MRPS28: variants seen among roughly 807,000 people sequenced by gnomAD.
The protein encoded by MRPS28 is mitochondrial ribosomal protein S28.
A neutral mutation model predicts 10.8 loss-of-function variants in MRPS28; 7 were observed. That is an observed-to-expected ratio of 0.65 (90% CI 0.37 to 1.22). The LOEUF is 1.22. Among genes scored for constraint, MRPS28 ranks in the 50% most tolerant of loss-of-function variants. MRPS28 has a pLI of 0.02. For missense variants in MRPS28, 265 were observed against 232.9 expected, an observed-to-expected ratio of 1.14 and a Z score of -0.90; for synonymous variants, 121 against 93.3, an observed-to-expected ratio of 1.30 and a Z score of -1.71.
intron 2 of MRPS28, among the ~76,000 whole-genome samples, chr8:79,922,052 T>C (rs1045619162): frequency 1.3e-5 from 2 of 152,250 alleles, no homozygotes; most frequent in African/African-American, 4.8e-5. Context: ...GTGGTTTTTG[T>C]CGTTGGTTCT....
Position 79,926,258 on chromosome 8 carries a change from C to T in MRPS28, c.396-7110G>A, listed in dbSNP as rs533407819. 1.9e-4 allele frequency among the ~76,000 whole-genome samples: 29 copies of T among 152,102 alleles called. No individual in the cohort carries two copies. In the South Asian group the frequency reaches 5.4e-3, roughly 28 times the overall value. ...TATGACTTTTAAGCAAAAAGGGATA[C>T]GTTTTGGAGTATGCAATTTTCATTT... On this transcript the variant is annotated intron_variant, in intron 2 of 2. Coordinates refer to ENST00000276585, the MANE Select transcript of MRPS28 (RefSeq NM_014018.3).
intron 2 of MRPS28, among the ~76,000 whole-genome samples, chr8:79,966,579 C>T (rs1221563962): frequency 6.6e-5 from 10 of 151,912 alleles, no homozygotes. Context: ...CTATGTAACT[C>T]ATCAGTCAAA....
chr8:79,927,853 G>A (rs1806333622), intron 2 of MRPS28, among the ~76,000 whole-genome samples: 1 of 152,156 alleles, frequency 6.6e-6, no homozygotes, highest in Non-Finnish European at 1.5e-5. Flanking sequence ...GTCAGAGAGA[G>A]GAAAAAATCT....
intron 2 of MRPS28, among the ~76,000 whole-genome samples, chr8:79,997,208 G>A (rs1284221119): frequency 6.6e-6 from 1 of 152,156 alleles, no homozygotes; most frequent in Non-Finnish European, 1.5e-5. Context: ...AAAGTGCTCT[G>A]TATTTTTAAA....
At chr8:79,966,299 C>CT (rs1807500965) in intron 2 of MRPS28, among the ~76,000 whole-genome samples, 1 of 151,748 alleles carries the variant, frequency 6.6e-6, no homozygotes, top group Non-Finnish European at 1.5e-5. Context: ...ATAAAGTTGC[C>CT]TAGAATATGA....
At position 79,982,162 on chromosome 8, in the gene MRPS28, G is replaced by C. The variant is rs559817596; in HGVS notation, c.395+20837C>G. ...CTCAGGAAGCTGAGGCAGGAGAATTGCTTGAACCCAGGAGGCAGAGGTTGC... is the reference window on the plus strand; with the variant it reads ...CTCAGGAAGCTGAGGCAGGAGAATTCCTTGAACCCAGGAGGCAGAGGTTGC... On this transcript the variant is annotated intron_variant, in intron 2 of 2. Coordinates refer to ENST00000276585, the MANE Select transcript of MRPS28 (RefSeq NM_014018.3). Among the ~76,000 whole-genome samples the C allele has an allele frequency of 1.6e-4, 24 of 152,292 alleles. No individual in the cohort carries two copies. The East Asian group carries it at 4.4e-3, about 28-fold the overall frequency.
At chr8:79,920,143 G>A (rs1203732792) in intron 2 of MRPS28, among the ~76,000 whole-genome samples, 5 of 152,078 alleles carry the variant, frequency 3.3e-5, no homozygotes, top group Non-Finnish European at 7.4e-5. Context: ...TGGCTGCATA[G>A]TATTCCATGG....
At chr8:79,973,266 GAA>G (rs958826414) in intron 2 of MRPS28, among the ~76,000 whole-genome samples, 1 of 152,148 alleles carries the variant, frequency 6.6e-6, no homozygotes, top group Admixed American at 6.5e-5. Flanking sequence ...TCAACACAGT[GAA>G]AGAGAGAGAG....
rs548388596 is a variant in MRPS28 at position 79,954,633 on chromosome 8, C to T, written c.396-35485G>A. Among the ~76,000 whole-genome samples, 39 of 152,286 alleles carry T rather than the reference C, an allele frequency of 2.6e-4. No individual in the cohort carries two copies. The South Asian group carries it at 7.9e-3, about 31-fold the overall frequency. ...TCCATAGAAATCCAGGGTTCAAATACCTCTTCATTTTAAGAGTATCTCTGT... is the reference window on the plus strand; with the variant it reads ...TCCATAGAAATCCAGGGTTCAAATATCTCTTCATTTTAAGAGTATCTCTGT... On this transcript the variant is annotated intron_variant, in intron 2 of 2. Coordinates refer to ENST00000276585, the MANE Select transcript of MRPS28 (RefSeq NM_014018.3).
intron 1 of MRPS28, among the ~76,000 whole-genome samples, chr8:80,021,251 T>C (rs1032859619): frequency 5.3e-5 from 8 of 152,178 alleles, no homozygotes; most frequent in African/African-American, 1.4e-4. Context: ...TCCGCCCACC[T>C]TGGTCTCCCA....
At chr8:79,965,002 A>T (rs936153255) in intron 2 of MRPS28, among the ~76,000 whole-genome samples, 5 of 152,176 alleles carry the variant, frequency 3.3e-5, no homozygotes, top group Admixed American at 6.6e-5. Flanking sequence ...TAGTAAGTAG[A>T]TGAATTCAAG....
At chr8:79,982,346 G>C (rs1411991428) in intron 2 of MRPS28, among the ~76,000 whole-genome samples, 1 of 152,246 alleles carries the variant, frequency 6.6e-6, no homozygotes, top group Non-Finnish European at 1.5e-5. Flanking sequence ...CGCAGAAGAC[G>C]GGTGATTTCT....
At chr8:79,997,930 C>T (rs6999546) in intron 2 of MRPS28, among the ~76,000 whole-genome samples, 7,891 of 151,970 alleles carry the variant, frequency 0.052, 660 homozygotes, top group African/African-American at 0.18. Flanking sequence ...TGGCACATGC[C>T]TGTAATCCCA....
At chr8:79,979,023 G>T (rs1424777415) in intron 2 of MRPS28, among the ~76,000 whole-genome samples, 1 of 151,914 alleles carries the variant, frequency 6.6e-6, no homozygotes, top group East Asian at 1.9e-4. Context: ...ATCTTTAGTT[G>T]AAGACAGGAA....
intron 2 of MRPS28, among the ~76,000 whole-genome samples, chr8:79,921,355 C>A (rs1453770141): frequency 1.3e-5 from 2 of 152,106 alleles, no homozygotes; most frequent in Non-Finnish European, 2.9e-5. Flanking sequence ...ATGGGGATGG[C>A]ATTGAATCTA....
At chr8:79,954,584 A>G (rs1807158327) in intron 2 of MRPS28, among the ~76,000 whole-genome samples, 1 of 152,140 alleles carries the variant, frequency 6.6e-6, no homozygotes, top group Non-Finnish European at 1.5e-5. Context: ...ATTTGCAAGT[A>G]TTAGTTTTCT....
chr8:80,003,884 C>T (rs975929322), intron 1 of MRPS28, among the ~76,000 whole-genome samples: 21 of 152,194 alleles, frequency 1.4e-4, no homozygotes, highest in South Asian at 1.0e-3. Flanking sequence ...GAGCCTCGCT[C>T]ATTGCTAGCA....
rs763872537 is a variant in MRPS28 at position 80,030,221 on chromosome 8, C to T, written c.28G>A (p.Val10Met). The change falls in exon 1 of 3, where the codon GTG becomes ATG. Residue 10 changes from valine (V) to methionine (M), a missense_variant. Coordinates refer to ENST00000276585, the MANE Select transcript of MRPS28 (RefSeq NM_014018.3). ...CGCAGAAAATGGCTCTCGGCAGCCA[C>T]AGCACGGGTCCGACACAGCGCCGCC... The part of the protein sequence containing the change: MAALCRTRA[V>M]AAESHFLRVF... 3.7e-5 allele frequency: 60 copies of T among 1,614,016 alleles called. No individual in the cohort carries two copies. The East Asian group carries it at 1.3e-3, about 35-fold the overall frequency.
chr8:79,922,667 A>G (rs1272348040), intron 2 of MRPS28, among the ~76,000 whole-genome samples: 2 of 152,158 alleles, frequency 1.3e-5, no homozygotes, highest in African/African-American at 4.8e-5. Context: ...AATTTAGTCA[A>G]TAAAATATTC....
Sources: allele counts gnomAD v4.1 joint callset (sites outside exome capture counted in the v4.1 genomes callset), GRCh38; gene constraint gnomAD v4.1.1; transcripts MANE v1.5; gene names NCBI Gene and HGNC (gene_info 2026-07-23, HGNC 2026-07-21).